HADHA: variants seen among roughly 807,000 people sequenced by gnomAD.
The protein encoded by HADHA is hydroxyacyl-CoA dehydrogenase trifunctional multienzyme complex subunit alpha.
HADHA carries 59 observed loss-of-function variants against 91.3 expected under a neutral mutation model. That is an observed-to-expected ratio of 0.65 (90% CI 0.52 to 0.80). The LOEUF (loss-of-function observed/expected upper bound fraction) is 0.80. Ranked by LOEUF, HADHA falls within the 30% of genes least tolerant of loss-of-function variation. The pLI, the probability that HADHA is intolerant of heterozygous loss-of-function variation, is 0.00. For missense variants in HADHA, 800 were observed against 927.6 expected (o/e 0.86, Z 1.79); for synonymous variants, 320 against 338.9 (o/e 0.94, Z 0.61).
In HADHA at chr2:26,210,317, A is replaced by C. The variant is rs1271665671; in HGVS notation, c.976-428T>G. ...TACTGCCTCAAAGTGGCAGAAATGG[A>C]ACTTGAACCAAGACAGTATGACTCT... On this transcript the variant is annotated intron_variant, in intron 10 of 19. Coordinates refer to ENST00000380649, the MANE Select transcript of HADHA (RefSeq NM_000182.5). The surrounding 1 kb of genome is among the most constrained non-coding windows in gnomAD (Gnocchi z 4.0). Among the ~76,000 whole-genome samples the C allele has an allele frequency of 6.6e-6, 1 of 152,202 alleles. No homozygotes were observed. The highest frequency in any genetic ancestry group is 1.5e-5 in the Non-Finnish European group (1 of 68,024).
chr2:26,239,402 G>A (rs528859222), intron 1 of HADHA, among the ~76,000 whole-genome samples: 3 of 152,284 alleles, frequency 2.0e-5, no homozygotes, highest in East Asian at 1.9e-4. Flanking sequence ...TAGGTTACAC[G>A]GCAAAGGGGG....
At chr2:26,228,702 C>T (rs1320405751) in intron 7 of HADHA, among the ~76,000 whole-genome samples, 1 of 152,116 alleles carries the variant, frequency 6.6e-6, no homozygotes, top group Non-Finnish European at 1.5e-5. Context: ...GATGGCATCT[C>T]ACTCTGTTGC....
intron 7 of HADHA, among the ~76,000 whole-genome samples, chr2:26,226,584 C>T (rs991157303): frequency 6.6e-6 from 1 of 152,144 alleles, no homozygotes; most frequent in African/African-American, 2.4e-5. Flanking sequence ...GTAGTCTTCT[C>T]AACAAATGGT....
intron 4 of HADHA, 132 bp downstream of exon 4, chr2:26,236,723 A>T: frequency 1.4e-6 from 1 of 728,824 alleles, no homozygotes; most frequent in Non-Finnish European, 2.3e-6. Context: ...CCTGATACGT[A>T]CATTTTCAAT....
chr2:26,206,906 C>T (rs987764872), intron 11 of HADHA, among the ~76,000 whole-genome samples: 28 of 152,054 alleles, frequency 1.8e-4, no homozygotes, highest in African/African-American at 6.5e-4. Flanking sequence ...TAAAACATAC[C>T]ATAAGTATAG....
chr2:26,192,855 A>C (rs1276636548), intron 17 of HADHA, among the ~76,000 whole-genome samples: 1 of 152,230 alleles, frequency 6.6e-6, no homozygotes, highest in Non-Finnish European at 1.5e-5. Context: ...TAACCCTAGC[A>C]AATTAGTCTT....
intron 19 of HADHA, 30 bp from the exon 20 acceptor site, chr2:26,191,425 G>GT (rs1165992495): frequency 1.9e-6 from 3 of 1,614,188 alleles, no homozygotes; most frequent in Non-Finnish European, 2.5e-6. Context: ...TTCGTTGAAG[G>GT]AGACGCAACA....
At chr2:26,194,712 G>T in intron 15 of HADHA, 74 bp from the exon 16 acceptor site, 1 of 949,522 alleles carries the variant, frequency 1.1e-6, no homozygotes, top group South Asian at 1.3e-5. Context: ...CCTTTCCCAG[G>T]GTCACTTCAA....
Position 26,190,826 on chromosome 2 carries a change from A to C in HADHA, c.*424T>G. On this transcript the variant is annotated 3_prime_UTR_variant, in exon 20 of 20. Coordinates refer to ENST00000380649, the MANE Select transcript of HADHA (RefSeq NM_000182.5). ...CCCCCAAAGCACAGGGCTTTCTTCCAGATTGCTTTTTGAAGGAGGCGTTTA... is the reference window on the plus strand; with the variant it reads ...CCCCCAAAGCACAGGGCTTTCTTCCCGATTGCTTTTTGAAGGAGGCGTTTA... 1 of 283,298 alleles carries C rather than the reference A, an allele frequency of 3.5e-6. No homozygotes were observed. Among genetic ancestry groups the C allele is most frequent in the South Asian group, 3.9e-5 (1 of 25,448 alleles). 17.5% of individuals were successfully genotyped at this position (283,298 alleles called of 1,614,324 possible). A position where few individuals can be genotyped will look rare whatever the true frequency, so the allele number is the denominator to read the frequency against.
chr2:26,239,266 C>T, intron 1 of HADHA, 123 bp from the exon 2 acceptor site: 1 of 758,508 alleles, frequency 1.3e-6, no homozygotes, highest in Non-Finnish European at 2.4e-6. Context: ...ACAATGTATT[C>T]TAGGCCATAT....
chr2:26,229,642 C>G lies in HADHA; in HGVS notation c.676+550G>C, dbSNP rs929798831. Among the ~76,000 whole-genome samples the G allele has an allele frequency of 2.6e-5, 4 of 151,982 alleles. No individual in the cohort carries two copies. Among genetic ancestry groups the G allele is most frequent in the African/African-American group, 7.3e-5 (3 of 41,372 alleles). ...GATAATGATACAGGTAATTTAAGAA[C>G]CAAAAATAATGACTTGACTGAATTC... On this transcript the variant is annotated intron_variant, in intron 7 of 19. Coordinates refer to ENST00000380649, the MANE Select transcript of HADHA (RefSeq NM_000182.5). This position sits in a 1 kb window ranked among gnomAD's most constrained non-coding sequence, Gnocchi z 4.3.
chr2:26,229,725 G>T lies in HADHA; in HGVS notation c.676+467C>A, dbSNP rs540265653. Among the ~76,000 whole-genome samples, 3 of 152,294 alleles carry T rather than the reference G, an allele frequency of 2.0e-5. No individual in the cohort carries two copies. Among genetic ancestry groups the T allele is most frequent in the Admixed American group, 6.5e-5 (1 of 15,302 alleles). On this transcript the variant is annotated intron_variant, in intron 7 of 19. Transcript: ENST00000380649. The surrounding 1 kb of genome is among the most constrained non-coding windows in gnomAD (Gnocchi z 4.3). ...TAAAAATCAGGGTGATGTTGAAAATGATTTAGTATTAGCTATTTTATAAAA... is the reference window on the plus strand; with the variant it reads ...TAAAAATCAGGGTGATGTTGAAAATTATTTAGTATTAGCTATTTTATAAAA...
chr2:26,229,346 G>GCACACACA lies in HADHA; in HGVS notation c.676+845_676+846insTGTGTGTG, dbSNP rs1334271211. Among the ~76,000 whole-genome samples, 64 of 36,784 alleles carry GCACACACA rather than the reference G, an allele frequency of 1.7e-3. No homozygotes were observed. Among genetic ancestry groups the GCACACACA allele is most frequent in the African/African-American group, 9.1e-3 (62 of 6,830 alleles). 24.1% of individuals were successfully genotyped at this position (36,784 alleles called of 152,430 possible). On this transcript the variant is annotated intron_variant, in intron 7 of 19. Transcript: ENST00000380649. This position sits in a 1 kb window ranked among gnomAD's most constrained non-coding sequence, Gnocchi z 4.3. ...GAGTGAGACCCCAACATGTGTGCGC[G>GCACACACA]CGCACACACACACACACACACACAC...
At chr2:26,199,020 G>A (rs1308642758) in intron 13 of HADHA, among the ~76,000 whole-genome samples, 3 of 151,654 alleles carry the variant, frequency 2.0e-5, no homozygotes, top group Non-Finnish European at 2.9e-5. Context: ...TCAGCCTCCC[G>A]AGTAGCTGGG....
At position 26,192,362 on chromosome 2, in the gene HADHA, A is replaced by C. The variant is rs1452768870; in HGVS notation, c.1948T>G (p.Ser650Ala). ...CTCGCTAAAATACTATCCATGTCAG[A>C]ATTCAAATCCTTCCTCTTCACACCC... is the stretch of plus-strand genomic sequence containing the variant. ...QEGVKRKDLN[S>A]DMDSILASLK... Residue 650 changes from serine to alanine, a missense_variant, in exon 18 of 20, where the codon TCT becomes GCT. Ser to Ala is a moderately conservative substitution (Grantham distance 99). Transcript: ENST00000380649. 22 of 1,611,418 alleles carry C rather than the reference A, an allele frequency of 1.4e-5. No individual in the cohort carries two copies. The highest frequency in any genetic ancestry group is 1.9e-5 in the Non-Finnish European group (22 of 1,177,576).
In HADHA at chr2:26,229,344, G is replaced by A. The variant is rs1003337545; in HGVS notation, c.676+848C>T. 2.0e-4 allele frequency among the ~76,000 whole-genome samples: 9 copies of A among 45,450 alleles called. No homozygotes were observed. The highest frequency in any genetic ancestry group is 7.1e-4 in the African/African-American group (5 of 6,994). The allele number at this position is 45,450 out of a possible 152,430, so 29.8% of individuals were successfully genotyped here. On this transcript the variant is annotated intron_variant, in intron 7 of 19. Transcript: ENST00000380649. This position sits in a 1 kb window ranked among gnomAD's most constrained non-coding sequence, Gnocchi z 4.3. ...CAGAGTGAGACCCCAACATGTGTGCGCGCGCACACACACACACACACACAC... is the reference window on the plus strand; with the variant it reads ...CAGAGTGAGACCCCAACATGTGTGCACGCGCACACACACACACACACACAC...
intron 7 of HADHA, among the ~76,000 whole-genome samples, chr2:26,227,619 C>A (rs1285313655): frequency 1.3e-5 from 2 of 152,092 alleles, no homozygotes; most frequent in East Asian, 3.9e-4. Context: ...TCATACACTG[C>A]TGGTGGGAAT....
intron 1 of HADHA, among the ~76,000 whole-genome samples, chr2:26,242,213 C>T (rs934869836): frequency 6.6e-6 from 1 of 152,162 alleles, no homozygotes; most frequent in Admixed American, 6.5e-5. Context: ...TTTTATCATC[C>T]ACCAGCAAAG....
intron 13 of HADHA, chr2:26,199,326 C>G (rs374419821): frequency 2.0e-5 from 3 of 152,712 alleles, no homozygotes; most frequent in East Asian, 3.8e-4. Context: ...TGTGATCATG[C>G]CACTGCACTC....
Sources: gnomAD v4.1 joint callset for allele counts (sites outside exome capture counted in the v4.1 genomes callset) on GRCh38, gnomAD v4.1.1 for gene constraint, Gnocchi (gnomAD v3.1) non-coding constraint, MANE v1.5 for transcripts, NCBI Gene and HGNC (gene_info 2026-07-23, HGNC 2026-07-21) for gene names.